The following ANKS1B variants were observed in gnomAD, a reference collection of about 807,000 sequenced individuals.
ANKS1B encodes the protein ankyrin repeat and sterile alpha motif domain containing 1B.
Under a neutral mutation model 148.3 loss-of-function variants are expected in ANKS1B, and 36 were observed. The observed-to-expected ratio is 0.24, with a 90% CI of 0.19 to 0.32. The LOEUF (loss-of-function observed/expected upper bound fraction) is 0.32, where lower values mean the gene tolerates loss of function less well. Among genes scored for constraint, ANKS1B ranks in the 10% least tolerant of loss-of-function variants. The pLI is 1.00. For missense variants in ANKS1B, 1,157 were observed against 1,542.6 expected, an observed-to-expected ratio of 0.75 and a Z score of 4.19; for synonymous variants, 542 against 560.8, an observed-to-expected ratio of 0.97 and a Z score of 0.47.
chr12:99,262,787 T>C (rs1189806956), intron 12 of ANKS1B, among the ~76,000 whole-genome samples: 1 of 152,138 alleles, frequency 6.6e-6, no homozygotes, highest in African/African-American at 2.4e-5. Flanking sequence ...ATCCTTGAAA[T>C]ATTCAAATAA....
chr12:99,248,016 A>G (rs1297584540), intron 12 of ANKS1B, among the ~76,000 whole-genome samples: 1 of 152,218 alleles, frequency 6.6e-6, no homozygotes, highest in Non-Finnish European at 1.5e-5. Flanking sequence ...GTAACATTTA[A>G]TGGGTAAGTG....
rs545154354 is a variant in ANKS1B at position 98,900,345 on chromosome 12, T to C, written c.2779-68209A>G. Among the ~76,000 whole-genome samples, 4 of 152,384 alleles carry C rather than the reference T, an allele frequency of 2.6e-5. 1 individual carries two copies. In the South Asian group the frequency reaches 8.3e-4, roughly 32 times the overall value. ...TCAATGTTAGCTTATCTTAGTATTC[T>C]ACATTGTTAGATCTTTGAATTTGTT... On this transcript the variant is annotated intron_variant, in intron 17 of 26. Transcript: ENST00000683438.
At chr12:99,084,848 C>T (rs3803094) in intron 16 of ANKS1B, 77 bp downstream of exon 16, 703,667 of 1,160,826 alleles carry the variant, frequency 0.61, 216,751 homozygotes, top group East Asian at 0.75. Context: ...GTACTAAATA[C>T]AAATACTCCT....
At chr12:98,899,476 A>G (rs543375824) in intron 17 of ANKS1B, among the ~76,000 whole-genome samples, 21 of 152,344 alleles carry the variant, frequency 1.4e-4, no homozygotes, top group Non-Finnish European at 1.5e-4. Flanking sequence ...ATTAAAGTCT[A>G]TAGTCAGTTG....
intron 24 of ANKS1B, among the ~76,000 whole-genome samples, chr12:98,778,563 G>T (rs1333446992): frequency 6.6e-6 from 1 of 152,284 alleles, no homozygotes; most frequent in African/African-American, 2.4e-5. Context: ...TTATCAATCT[G>T]CTCCTTTTCT....
chr12:99,682,501 A>G (rs985023530), intron 8 of ANKS1B, among the ~76,000 whole-genome samples: 2 of 152,236 alleles, frequency 1.3e-5, no homozygotes, highest in African/African-American at 4.8e-5. Flanking sequence ...CTACTCCTGA[A>G]TAATCATTGG....
chr12:98,978,480 CTGTGTGTGTGTGCG>C (rs1374237662), intron 17 of ANKS1B, among the ~76,000 whole-genome samples: 1 of 151,798 alleles, frequency 6.6e-6, no homozygotes, highest in Non-Finnish European at 1.5e-5. Flanking sequence ...TATGTGCAAA[CTGTGTGTGTGTGCG>C]TGTGTGTGTT....
At chr12:99,131,988 CTCT>C (rs2066244701) in intron 15 of ANKS1B, among the ~76,000 whole-genome samples, 1 of 152,138 alleles carries the variant, frequency 6.6e-6, no homozygotes, top group South Asian at 2.1e-4. Context: ...TTTCTAGCCT[CTCT>C]TCTTCTGCTC....
intron 12 of ANKS1B, among the ~76,000 whole-genome samples, chr12:99,307,604 T>C (rs1320122847): frequency 6.6e-6 from 1 of 151,998 alleles, no homozygotes; most frequent in African/African-American, 2.4e-5. Flanking sequence ...CAAAGAAGTT[T>C]GTGTGTGTGC....
At chr12:99,984,050 C>A in intron 1 of ANKS1B, 54 bp downstream of exon 1, 1 of 1,459,448 alleles carries the variant, frequency 6.9e-7, no homozygotes, top group Non-Finnish European at 9.4e-7. Flanking sequence ...GGACGTATAT[C>A]CATCACAATG....
chr12:99,466,660 C>A (rs971215416), intron 10 of ANKS1B, among the ~76,000 whole-genome samples: 4 of 151,598 alleles, frequency 2.6e-5, no homozygotes, highest in Admixed American at 6.5e-5. Context: ...ACTACAAACA[C>A]CTCTATGCAA....
chr12:99,492,764 T>C (rs2096567276), intron 10 of ANKS1B, among the ~76,000 whole-genome samples: 1 of 152,186 alleles, frequency 6.6e-6, no homozygotes, highest in African/African-American at 2.4e-5. Flanking sequence ...TCAATAAATG[T>C]GATTCATCAC....
chr12:99,923,936 A>T (rs1159447125), intron 1 of ANKS1B, among the ~76,000 whole-genome samples: 2 of 152,138 alleles, frequency 1.3e-5, no homozygotes, highest in Admixed American at 1.3e-4. Context: ...GTTTCTATTT[A>T]AAATTTTCAT....
At chr12:99,198,505 G>A (rs2081658804) in intron 14 of ANKS1B, among the ~76,000 whole-genome samples, 1 of 152,178 alleles carries the variant, frequency 6.6e-6, no homozygotes, top group Non-Finnish European at 1.5e-5. Flanking sequence ...ATAACTTGAG[G>A]ATAGCAGGTA....
chr12:99,632,725 T>TTC (rs2098174825), intron 9 of ANKS1B, among the ~76,000 whole-genome samples: 1 of 26,188 alleles, frequency 3.8e-5, no homozygotes. Context: ...TTCCTTTTCT[T>TTC]TCTATATATA....
intron 17 of ANKS1B, among the ~76,000 whole-genome samples, chr12:98,852,666 C>T (rs1231180662): frequency 6.6e-6 from 1 of 152,126 alleles, no homozygotes; most frequent in Non-Finnish European, 1.5e-5. Context: ...GGTGGGGAAA[C>T]TGGGGCTCAA....
intron 17 of ANKS1B, among the ~76,000 whole-genome samples, chr12:98,864,573 C>T (rs1380097187): frequency 6.6e-6 from 1 of 152,142 alleles, no homozygotes; most frequent in Non-Finnish European, 1.5e-5. Flanking sequence ...AAGGACTGAC[C>T]TCCCGCAAGC....
intron 10 of ANKS1B, among the ~76,000 whole-genome samples, chr12:99,480,827 T>C (rs891939620): frequency 2.0e-5 from 3 of 151,866 alleles, no homozygotes; most frequent in Admixed American, 6.6e-5. Context: ...AAATTTTCAT[T>C]ACTGAAATTA....
At chr12:99,711,026 C>T (rs923622544) in intron 8 of ANKS1B, among the ~76,000 whole-genome samples, 11 of 152,076 alleles carry the variant, frequency 7.2e-5, no homozygotes, top group African/African-American at 2.7e-4. Context: ...CTCCTGCAGC[C>T]AAAGCCCAGT....
Sources: allele counts gnomAD v4.1 joint callset (sites outside exome capture counted in the v4.1 genomes callset), GRCh38; gene constraint gnomAD v4.1.1; transcripts MANE v1.5; gene names NCBI Gene and HGNC (gene_info 2026-07-23, HGNC 2026-07-21).